The following KLHL6 variants were observed in gnomAD, a reference collection of about 807,000 sequenced individuals.
The protein encoded by KLHL6 is kelch-like protein 6.
KLHL6 carries 41 observed loss-of-function variants against 58.6 expected under a neutral mutation model. The observed-to-expected ratio is 0.70, with a 90% CI of 0.55 to 0.91. The LOEUF (loss-of-function observed/expected upper bound fraction) is 0.91. Among genes scored for constraint, KLHL6 ranks in the 40% least tolerant of loss-of-function variants. The pLI, the probability that KLHL6 is intolerant of heterozygous loss-of-function variation, is 0.00. For missense variants in KLHL6, 714 were observed against 805.6 expected (o/e 0.89, Z 1.38); for synonymous variants, 338 against 322.7 (o/e 1.05, Z -0.51).
chr3:183,519,629 G>A (rs2108680627), intron 2 of KLHL6, among the ~76,000 whole-genome samples: 1 of 152,218 alleles, frequency 6.6e-6, no homozygotes, highest in East Asian at 1.9e-4. Flanking sequence ...GCTCATGCCT[G>A]TAATTCCAGC....
Position 183,490,644 on chromosome 3 carries a change from A to C in KLHL6, c.*1283T>G, listed in dbSNP as rs7619426. 0.5 allele frequency: 75,565 copies of C among 151,846 alleles called. 18,982 individuals are homozygous for C. The highest frequency in any genetic ancestry group is 0.52 in the Admixed American group (7,868 of 15,262). The allele number at this position is 151,846 out of a possible 1,614,324, so 9.4% of individuals were successfully genotyped here. A position where few individuals can be genotyped will look rare whatever the true frequency, so the allele number is the denominator to read the frequency against. The stretch of plus-strand genomic sequence containing the variant: ...AGATGGTGAAACCCCGTCTCTACTA[A>C]AACTACAAAAATTAGCCAGGCGCGG... On this transcript the variant is annotated 3_prime_UTR_variant, in exon 7 of 7. Coordinates refer to ENST00000341319, the MANE Select transcript of KLHL6 (RefSeq NM_130446.4).
At chr3:183,504,935 C>T (rs1717963213) in intron 3 of KLHL6, among the ~76,000 whole-genome samples, 1 of 152,182 alleles carries the variant, frequency 6.6e-6, no homozygotes. Context: ...TTAGCTCTCA[C>T]TTATAAGTGA....
intron 1 of KLHL6, among the ~76,000 whole-genome samples, chr3:183,531,677 A>C (rs1317156247): frequency 6.6e-6 from 1 of 151,270 alleles, no homozygotes; most frequent in Admixed American, 6.6e-5. Flanking sequence ...CAATCTCCTG[A>C]CCTTGTGATC....
intron 4 of KLHL6, among the ~76,000 whole-genome samples, chr3:183,495,070 A>G (rs925494790): frequency 1.3e-5 from 2 of 152,224 alleles, no homozygotes; most frequent in Admixed American, 1.3e-4. Flanking sequence ...ACCACCAACT[A>G]CTTAAAGCAA....
chr3:183,529,359 CA>C (rs1476253335), intron 1 of KLHL6, among the ~76,000 whole-genome samples: 1 of 151,790 alleles, frequency 6.6e-6, no homozygotes, highest in Non-Finnish European at 1.5e-5. Flanking sequence ...GGCCCCATGC[CA>C]AGCCCATAAG....
intron 3 of KLHL6, among the ~76,000 whole-genome samples, chr3:183,507,757 T>C (rs1157533636): frequency 6.6e-6 from 1 of 152,122 alleles, no homozygotes; most frequent in Non-Finnish European, 1.5e-5. Context: ...TGTTTGTGCG[T>C]GCAGTGTGAC....
At chr3:183,541,353 G>A (rs927596923) in intron 1 of KLHL6, among the ~76,000 whole-genome samples, 34 of 152,188 alleles carry the variant, frequency 2.2e-4, no homozygotes, top group African/African-American at 7.5e-4. Context: ...TGGGGATGGG[G>A]AGCAGTTATG....
intron 3 of KLHL6, among the ~76,000 whole-genome samples, chr3:183,506,685 G>A (rs990410639): frequency 4.6e-5 from 7 of 151,998 alleles, no homozygotes; most frequent in East Asian, 1.9e-4. Flanking sequence ...AAAATTAGCC[G>A]GGTGTGGTAG....
chr3:183,515,888 A>G (rs143205014), intron 2 of KLHL6, among the ~76,000 whole-genome samples: 69 of 152,366 alleles, frequency 4.5e-4, no homozygotes, highest in African/African-American at 1.6e-3. Context: ...TGCTAGACAC[A>G]TTCCCAGTCA....
chr3:183,499,703 C>A lies in KLHL6; in HGVS notation c.1034G>T (p.Arg345Leu). Reference protein sequence around the residue: ...AEVTCLDPLRRSRLEVAKLPL... With the variant: ...AEVTCLDPLRLSRLEVAKLPL... ...GAGCTTGGCCACCTCCAGGCGGCTG[C>A]GCCTCAGGGGGTCCAGGCAGGTCAC... The change falls in exon 4 of 7, where the codon CGC becomes CTC. Residue 345 changes from arginine to leucine, a missense_variant. By Grantham distance (102) the Arg-to-Leu change is moderately radical. Coordinates refer to ENST00000341319, the MANE Select transcript of KLHL6 (RefSeq NM_130446.4). The surrounding 1 kb of genome is among the most constrained non-coding windows in gnomAD (Gnocchi z 4.6). 2 of 1,610,536 alleles carry A rather than the reference C, an allele frequency of 1.2e-6. No individual in the cohort carries two copies. The highest frequency in any genetic ancestry group is 1.7e-6 in the Non-Finnish European group (2 of 1,178,584).
chr3:183,494,037 G>T, intron 5 of KLHL6, 42 bp downstream of exon 5: 1 of 1,550,760 alleles, frequency 6.4e-7, no homozygotes, highest in Non-Finnish European at 8.9e-7. Flanking sequence ...AAGCACTGAA[G>T]TAATAATACA....
chr3:183,528,156 AC>A, intron 1 of KLHL6, 146 bp from the exon 2 acceptor site: 1 of 798,700 alleles, frequency 1.3e-6, no homozygotes. Context: ...GTTCTCCAGC[AC>A]CCCCTACGCA....
chr3:183,518,532 A>G (rs907519515), intron 2 of KLHL6, among the ~76,000 whole-genome samples: 1 of 152,106 alleles, frequency 6.6e-6, no homozygotes, highest in African/African-American at 2.4e-5. Context: ...AGCGATATGG[A>G]TTTTCATTAC....
rs147156320 is a variant in KLHL6, at chr3:183,523,517, C to T, written c.459+4328G>A. On this transcript the variant is annotated intron_variant, in intron 2 of 6. Transcript: ENST00000341319. ...CCTCACTTTGGCCACGGGACTTAGC[C>T]TGGTTTTCTTCTCCTAAGTTGCTGC... is the stretch of plus-strand genomic sequence containing the variant. Among the ~76,000 whole-genome samples, 262 of 152,278 alleles carry T rather than the reference C, an allele frequency of 1.7e-3. 1 individual carries two copies. The highest frequency in any genetic ancestry group is 5.9e-3 in the African/African-American group (244 of 41,576).
intron 1 of KLHL6, among the ~76,000 whole-genome samples, chr3:183,533,270 TTTCC>T (rs376539158): frequency 4.1e-4 from 61 of 150,390 alleles, no homozygotes; most frequent in African/African-American, 1.0e-3. Flanking sequence ...TCCTTCCTTC[TTTCC>T]TTCCTTCCTT....
intron 1 of KLHL6, among the ~76,000 whole-genome samples, chr3:183,533,723 T>C (rs1712233640): frequency 6.6e-6 from 1 of 152,078 alleles, no homozygotes; most frequent in Non-Finnish European, 1.5e-5. Flanking sequence ...ACTTGCTGAC[T>C]TTTTGGACCT....
In KLHL6 at chr3:183,534,946, A is replaced by AT. The variant is rs1247398286; in HGVS notation, c.294-6937dup. The stretch of plus-strand genomic sequence containing the variant: ...TGCATATATATACATATATATATAT[A>AT]TATATTTTTTTTTTTTGAGACAGAG... On this transcript the variant is annotated intron_variant, in intron 1 of 6. Transcript: ENST00000341319. Among the ~76,000 whole-genome samples the AT allele has an allele frequency of 4.2e-3, 410 of 96,726 alleles. 3 individuals carry two copies. The highest frequency in any genetic ancestry group is 0.016 in the African/African-American group (376 of 23,330). 63.5% of individuals were successfully genotyped at this position (96,726 alleles called of 152,430 possible).
Position 183,490,013 on chromosome 3 carries a change from G to A in KLHL6, c.*1914C>T, listed in dbSNP as rs567442170. ...ATGAAAATAAAGTCCATTGGGTAAC[G>A]CAGTTACTATGTTGTTATCATTGTT... On this transcript the variant is annotated 3_prime_UTR_variant, in exon 7 of 7. Transcript: ENST00000341319. 4 of 152,134 alleles carry A rather than the reference G, an allele frequency of 2.6e-5. No homozygotes were observed. Among genetic ancestry groups the A allele is most frequent in the Non-Finnish European group, 4.4e-5 (3 of 68,024 alleles). The allele number at this position is 152,134 out of a possible 1,614,324, so 9.4% of individuals were successfully genotyped here. A position where few individuals can be genotyped will look rare whatever the true frequency, so the allele number is the denominator to read the frequency against.
intron 1 of KLHL6, among the ~76,000 whole-genome samples, chr3:183,531,082 C>A (rs918953556): frequency 6.6e-6 from 1 of 152,072 alleles, no homozygotes; most frequent in African/African-American, 2.4e-5. Context: ...GATCCACCTA[C>A]CTCGGCCTCC....
Sources: gnomAD v4.1 joint callset for allele counts (sites outside exome capture counted in the v4.1 genomes callset) on GRCh38, gnomAD v4.1.1 for gene constraint, Gnocchi (gnomAD v3.1) non-coding constraint, MANE v1.5 for transcripts, NCBI Gene and HGNC (gene_info 2026-07-23, HGNC 2026-07-21) for gene names.